The following AHSG variants were observed in gnomAD, a reference collection of about 807,000 sequenced individuals.
AHSG encodes the protein alpha-2-HS-glycoprotein.
In AHSG, 23 loss-of-function variants were observed where a neutral mutation model predicts 30.1. The observed-to-expected ratio is 0.76, with a 90% confidence interval of 0.55 to 1.08. AHSG has a LOEUF of 1.08. Ranked by LOEUF, AHSG falls within the 50% of genes least tolerant of loss-of-function variation. The pLI is 0.00. For synonymous variants in AHSG, 164 were observed against 186.3 expected (o/e 0.88, Z 0.98); for missense variants, 469 against 459.5 (o/e 1.02, Z -0.19).
intron 4 of AHSG, 103 bp from the exon 5 acceptor site, chr3:186,618,433 C>T: frequency 2.6e-6 from 4 of 1,540,776 alleles, no homozygotes; most frequent in Non-Finnish European, 3.5e-6. Flanking sequence ...GCATGGTCTG[C>T]ATGAATGGTG....
intron 2 of AHSG, 108 bp downstream of exon 2, chr3:186,615,903 T>C (rs1284206514): frequency 5.8e-6 from 6 of 1,026,828 alleles, no homozygotes; most frequent in South Asian, 4.1e-5. Context: ...GTTTCTAAAA[T>C]TGCCATTTGT....
intron 1 of AHSG, among the ~76,000 whole-genome samples, chr3:186,614,554 C>T (rs932576731): frequency 1.3e-5 from 2 of 152,220 alleles, no homozygotes; most frequent in Non-Finnish European, 2.9e-5. Flanking sequence ...CATATTAAAG[C>T]ACAGTGGTGG....
chr3:186,616,953 G>C (rs1249841832), intron 3 of AHSG, among the ~76,000 whole-genome samples: 1 of 152,186 alleles, frequency 6.6e-6, no homozygotes, highest in Non-Finnish European at 1.5e-5. Context: ...CACAGAGTGA[G>C]ACCCTGTCTC....
At chr3:186,618,390 T>TA in intron 4 of AHSG, 146 bp from the exon 5 acceptor site, 1 of 1,343,214 alleles carries the variant, frequency 7.4e-7, no homozygotes, top group Non-Finnish European at 1.0e-6. Flanking sequence ...CTGCCCTATG[T>TA]AAGCCATTGA....
intron 5 of AHSG, among the ~76,000 whole-genome samples, chr3:186,618,866 AG>A: frequency 6.6e-6 from 1 of 152,338 alleles, no homozygotes; most frequent in Non-Finnish European, 1.5e-5. Flanking sequence ...AGAAAGAGAG[AG>A]GCTATTTGCT....
Position 186,613,083 on chromosome 3 carries a change from G to T in AHSG, c.-59G>T. The T allele has an allele frequency of 6.7e-7, 1 of 1,498,122 alleles. No homozygotes were observed. The allele number at this position is 1,498,122 out of a possible 1,614,324, so 92.8% of individuals were successfully genotyped here. Reference sequence around the variant, plus strand: ...GTCTACCTTTCCCAGCAGAGCACCTGGGTTGGTCCCGAAGCCTCCAACCAC... The same window carrying T: ...GTCTACCTTTCCCAGCAGAGCACCTTGGTTGGTCCCGAAGCCTCCAACCAC... On this transcript the variant is annotated 5_prime_UTR_variant, in exon 1 of 7. Transcript: ENST00000411641.
intron 6 of AHSG, among the ~76,000 whole-genome samples, 200 bp downstream of exon 6, chr3:186,620,140 A>T (rs1173987356): frequency 6.6e-6 from 1 of 152,228 alleles, no homozygotes; most frequent in African/African-American, 2.4e-5. Flanking sequence ...CGAACTAGTG[A>T]CTACAGGGAA....
At chr3:186,617,552 C>CATGGGGGAGGCGCTGAGG in intron 4 of AHSG, 2 of 965,052 alleles carry the variant, frequency 2.1e-6, no homozygotes, top group South Asian at 1.5e-5. Context: ...ACACCCTCAG[C>CATGGGGGAGGCGCTGAGG]GCCTCCCCCA....
chr3:186,619,624 A>T (rs1716415289), intron 5 of AHSG, among the ~76,000 whole-genome samples: 1 of 152,196 alleles, frequency 6.6e-6, no homozygotes, highest in Non-Finnish European at 1.5e-5. Flanking sequence ...CATCAATGTT[A>T]ACAGTCCTTC....
intron 4 of AHSG, chr3:186,617,971 GAAC>G: frequency 6.3e-6 from 1 of 158,398 alleles, no homozygotes; most frequent in Non-Finnish European, 1.4e-5. Context: ...GTGATTCTCA[GAAC>G]ATCCCCACCC....
At chr3:186,620,026 C>T (rs1407018988) in intron 6 of AHSG, 86 bp downstream of exon 6, 2 of 984,012 alleles carry the variant, frequency 2.0e-6, no homozygotes, top group Admixed American at 2.6e-5. Context: ...GATGACAGGA[C>T]ATTTGCTCTC....
chr3:186,616,604 A>G (rs1560249540), intron 3 of AHSG, 77 bp downstream of exon 3: 1 of 1,248,552 alleles, frequency 8.0e-7, no homozygotes, highest in Non-Finnish European at 1.1e-6. Flanking sequence ...TTTCAACTTA[A>G]GTAGTTCTAG....
Position 186,621,131 on chromosome 3 carries a change from A to C in AHSG, c.*201A>C, listed in dbSNP as rs1368212052. The C allele has an allele frequency of 1.7e-6, 1 of 584,952 alleles. No homozygotes were observed. Among genetic ancestry groups the C allele is most frequent in the Non-Finnish European group, 3.0e-6 (1 of 331,942 alleles). 36.2% of individuals were successfully genotyped at this position (584,952 alleles called of 1,614,324 possible). ...AGTGGGTGGTGGTTATGTTTGACAGAAGGCATTAGGTTGACAACTTGTCAT... is the reference window on the plus strand; with the variant it reads ...AGTGGGTGGTGGTTATGTTTGACAGCAGGCATTAGGTTGACAACTTGTCAT... On this transcript the variant is annotated 3_prime_UTR_variant, in exon 7 of 7. Coordinates refer to ENST00000411641, the MANE Select transcript of AHSG (RefSeq NM_001622.4).
Position 186,613,349 on chromosome 3 carries a change from C to T in AHSG, c.208C>T (p.Pro70Ser), listed in dbSNP as rs150486317. ...CCAGATTGATGAAGTAAAGGTGTGG[C>T]CTCAGGTAAGTGGACCTGCTGTCTA... ...LNQIDEVKVWPQQPSGELFEI... is the reference protein window; with the variant it reads ...LNQIDEVKVWSQQPSGELFEI... Residue 70 changes from proline (P) to serine (S), a missense_variant, in exon 1 of 7, where the codon CCT (proline) becomes TCT (serine). Pro to Ser is a moderately conservative substitution (Grantham distance 74, BLOSUM62 -1). Transcript: ENST00000411641. The T allele has an allele frequency of 1.5e-3, 2,422 of 1,611,488 alleles. 33 individuals are homozygous for T. Among genetic ancestry groups the T allele is most frequent in the Non-Finnish European group, 1.2e-4 (141 of 1,178,550 alleles).
Position 186,613,259 on chromosome 3 carries a change from G to A in AHSG, c.118G>A (p.Ala40Thr). 1.2e-6 allele frequency: 2 copies of A among 1,614,188 alleles called. No individual in the cohort carries two copies. Among genetic ancestry groups the A allele is most frequent in the African/African-American group, 2.7e-5 (2 of 75,050 alleles). ...CTGCGATGATCCAGAAACTGAGGAAGCAGCTCTGGTGGCTATAGACTACAT... is the reference window on the plus strand; with the variant it reads ...CTGCGATGATCCAGAAACTGAGGAAACAGCTCTGGTGGCTATAGACTACAT... ...PNCDDPETEE[A>T]ALVAIDYINQ... Residue 40 changes from alanine to threonine, a missense_variant, in exon 1 of 7, where the codon GCA (alanine) becomes ACA (threonine). Ala to Thr is a moderately conservative substitution (Grantham distance 58). Transcript: ENST00000411641.
At chr3:186,619,555 T>A (rs1716413726) in intron 5 of AHSG, among the ~76,000 whole-genome samples, 1 of 152,166 alleles carries the variant, frequency 6.6e-6, no homozygotes, top group African/African-American at 2.4e-5. Flanking sequence ...CATCGTATAG[T>A]CACAATGATC....
At chr3:186,615,341 T>C (rs748163903) in intron 1 of AHSG, among the ~76,000 whole-genome samples, 1 of 152,144 alleles carries the variant, frequency 6.6e-6, no homozygotes, top group Non-Finnish European at 1.5e-5. Flanking sequence ...ATTAAATAAA[T>C]AATAAATACA....
intron 4 of AHSG, 55 bp downstream of exon 4, chr3:186,617,405 G>A (rs1387179771): frequency 6.2e-7 from 1 of 1,613,672 alleles, no homozygotes; most frequent in Non-Finnish European, 8.5e-7. Context: ...CTTCGGGAAT[G>A]TACTGTACGT....
intron 4 of AHSG, 160 bp downstream of exon 4, chr3:186,617,510 G>C (rs980008171): frequency 7.3e-7 from 1 of 1,362,960 alleles, no homozygotes; most frequent in African/African-American, 1.4e-5. Flanking sequence ...TCCTAAGGGG[G>C]TATGAGGCTC....
Sources: gnomAD v4.1 joint callset for allele counts (sites outside exome capture counted in the v4.1 genomes callset) on GRCh38, gnomAD v4.1.1 for gene constraint, MANE v1.5 for transcripts, NCBI Gene and HGNC (gene_info 2026-07-23, HGNC 2026-07-21) for gene names.